SLC38A4: variants seen among roughly 807,000 people sequenced by gnomAD.
The protein encoded by SLC38A4 is sodium-coupled neutral amino acid transporter 4.
In SLC38A4, 20 loss-of-function variants were observed where a neutral mutation model predicts 63.1. The observed-to-expected ratio is 0.32, with a 90% CI of 0.22 to 0.46. The LOEUF (loss-of-function observed/expected upper bound fraction) is 0.46, where lower values mean the gene tolerates loss of function less well. SLC38A4 is among the 20% of genes least tolerant of loss of function. The pLI is 1.00. For missense variants in SLC38A4, 526 were observed against 663.6 expected, an observed-to-expected ratio of 0.79 and a Z score of 2.28; for synonymous variants, 230 against 225.5, an observed-to-expected ratio of 1.02 and a Z score of -0.18.
chr12:46,816,498 T>C (rs1939444492), intron 1 of SLC38A4, among the ~76,000 whole-genome samples: 1 of 151,932 alleles, frequency 6.6e-6, no homozygotes, highest in South Asian at 2.1e-4. Flanking sequence ...CAAAAAACAT[T>C]CTATACCTAT....
At chr12:46,777,102 C>T (rs1565664437) in intron 12 of SLC38A4, 98 bp from the exon 13 acceptor site, 1 of 992,868 alleles carries the variant, frequency 1.0e-6, no homozygotes, top group Admixed American at 2.5e-5. Flanking sequence ...ATCTATATTG[C>T]TCATCATGAA....
chr12:46,772,877 A>C (rs1465846253), intron 14 of SLC38A4, among the ~76,000 whole-genome samples: 2 of 152,062 alleles, frequency 1.3e-5, no homozygotes, highest in African/African-American at 4.8e-5. Flanking sequence ...GGAGATATCA[A>C]GGCAAGTAAA....
At chr12:46,786,156 C>T (rs916038420) in intron 5 of SLC38A4, among the ~76,000 whole-genome samples, 7 of 151,926 alleles carry the variant, frequency 4.6e-5, no homozygotes, top group Non-Finnish European at 8.8e-5. Flanking sequence ...TTTCCATATG[C>T]CTTATGAACT....
chr12:46,788,528 G>A lies in SLC38A4; in HGVS notation c.210C>T (p.His70=), dbSNP rs1447058592. 23 of 1,611,370 alleles carry A rather than the reference G, an allele frequency of 1.4e-5. No individual in the cohort carries two copies. Among genetic ancestry groups the A allele is most frequent in the East Asian group, 4.5e-5 (2 of 44,842 alleles). ...KKKLADYADE[H]HPGTTSFGMS... is the part of the protein sequence containing the mutation. ...TGCCTGAAAGCATAGATTCACTTAC[G>A]TGTTCATCAGCATAATCTGCCAGCT... The change falls in exon 4 of 17, where the codon CAC becomes CAT. Residue 70 remains histidine, a splice_region_variant and synonymous_variant. Coordinates refer to ENST00000266579, the MANE Select transcript of SLC38A4 (RefSeq NM_018018.5).
chr12:46,829,445 TAAA>T (rs5798002), upstream of SLC38A4, among the ~76,000 whole-genome samples: 66,531 of 148,366 alleles, frequency 0.45, 16,075 homozygotes, highest in Non-Finnish European at 0.55. Flanking sequence ...ATGTAAAAAG[TAAA>T]AAAAAAAAAA....
intron 5 of SLC38A4, 99 bp downstream of exon 5, chr12:46,787,817 C>T: frequency 1.2e-6 from 1 of 831,218 alleles, no homozygotes; most frequent in South Asian, 1.9e-5. Flanking sequence ...TCCTCTGAGT[C>T]TTCACGTTCA....
In SLC38A4 at chr12:46,778,546, A is replaced by T. The variant is rs774354220; in HGVS notation, c.948T>A (p.His316Gln). ...ATTTGGGTTCACACTTGTCATCACT[A>T]TGAGCTTCATATTCTACTCCACTGT... ...LHDSGVEYEA[H>Q]SDDKCEPKYF... The change falls in exon 11 of 17, where the codon CAT (histidine) becomes CAA (glutamine). Residue 316 changes from histidine to glutamine, a missense_variant. Transcript: ENST00000266579. 3.1e-6 allele frequency: 5 copies of T among 1,612,984 alleles called. No individual in the cohort carries two copies. In the South Asian group the frequency reaches 5.5e-5, roughly 18 times the overall value.
rs778618065 is a variant in SLC38A4, at chr12:46,775,148, A to G, written c.1200T>C (p.His400=). Residue 400 remains histidine (H), a synonymous_variant, in exon 14 of 17, where the codon CAT becomes CAC. Transcript: ENST00000266579. Reference sequence around the variant, plus strand: ...CTAATGTATACACTTTGCTGTAGGCATGAAGTAATTCATCTTCAACTTCTC... The same window carrying G: ...CTAATGTATACACTTTGCTGTAGGCGTGAAGTAATTCATCTTCAACTTCTC... ...FYGEVEDELL[H]AYSKVYTLDI... is the part of the protein sequence containing the mutation. The G allele has an allele frequency of 6.2e-7, 1 of 1,612,084 alleles. No individual in the cohort carries two copies. The highest frequency in any genetic ancestry group is 1.1e-5 in the South Asian group (1 of 90,824).
chr12:46,820,342 C>A (rs1041823380), intron 1 of SLC38A4, among the ~76,000 whole-genome samples: 1 of 152,026 alleles, frequency 6.6e-6, no homozygotes, highest in African/African-American at 2.4e-5. Flanking sequence ...TTCCCCACTT[C>A]TTCCAGCCCC....
chr12:46,824,731 C>T (rs1229778362), intron 1 of SLC38A4, among the ~76,000 whole-genome samples: 1 of 152,090 alleles, frequency 6.6e-6, no homozygotes, highest in African/African-American at 2.4e-5. Context: ...AGATGGAAAA[C>T]AAGTGGTTGC....
chr12:46,806,475 G>A (rs1939234819), intron 1 of SLC38A4, among the ~76,000 whole-genome samples: 1 of 151,940 alleles, frequency 6.6e-6, no homozygotes, highest in Non-Finnish European at 1.5e-5. Flanking sequence ...CAGTAGGAAG[G>A]TTGACTGATA....
chr12:46,797,907 C>A (rs1371408247), intron 2 of SLC38A4, among the ~76,000 whole-genome samples: 1 of 152,170 alleles, frequency 6.6e-6, no homozygotes, highest in Non-Finnish European at 1.5e-5. Context: ...TTATTCAAGT[C>A]AAAAGCATAA....
chr12:46,822,323 A>C (rs1246446629), intron 1 of SLC38A4, among the ~76,000 whole-genome samples: 1 of 152,122 alleles, frequency 6.6e-6, no homozygotes, highest in African/African-American at 2.4e-5. Flanking sequence ...TTTTTATGAG[A>C]CCTAAGATGG....
chr12:46,823,366 T>A (rs951721425), intron 1 of SLC38A4, among the ~76,000 whole-genome samples: 1 of 152,186 alleles, frequency 6.6e-6, no homozygotes, highest in Non-Finnish European at 1.5e-5. Flanking sequence ...TTACTTAAAA[T>A]AAAATACATT....
intron 14 of SLC38A4, among the ~76,000 whole-genome samples, chr12:46,771,907 G>C (rs1417854279): frequency 6.6e-6 from 1 of 151,966 alleles, no homozygotes; most frequent in African/African-American, 2.4e-5. Context: ...TGGAAATGTG[G>C]GTCAGATGCT....
chr12:46,817,617 C>T (rs1206064805), intron 1 of SLC38A4, among the ~76,000 whole-genome samples: 1 of 151,810 alleles, frequency 6.6e-6, no homozygotes, highest in Non-Finnish European at 1.5e-5. Flanking sequence ...ACCTGAAGCC[C>T]CAGGAGCCTC....
chr12:46,800,953 A>C (rs1162873629), intron 2 of SLC38A4, among the ~76,000 whole-genome samples: 1 of 152,164 alleles, frequency 6.6e-6, no homozygotes, highest in East Asian at 1.9e-4. Context: ...GGGAATGTTC[A>C]AAATGCTTCT....
intron 1 of SLC38A4, among the ~76,000 whole-genome samples, chr12:46,807,311 A>G (rs1939253017): frequency 6.6e-6 from 1 of 151,722 alleles, no homozygotes; most frequent in African/African-American, 2.4e-5. Flanking sequence ...TAACTTTTCT[A>G]TACAACATTG....
At chr12:46,784,685 A>C (rs751106537) in intron 6 of SLC38A4, 51 bp from the exon 7 acceptor site, 1 of 1,423,496 alleles carries the variant, frequency 7.0e-7, no homozygotes, top group Non-Finnish European at 9.8e-7. Context: ...TTAATGACTA[A>C]AATATTTTTG....
Sources: allele counts gnomAD v4.1 joint callset (sites outside exome capture counted in the v4.1 genomes callset), GRCh38; gene constraint gnomAD v4.1.1; transcripts MANE v1.5; gene names NCBI Gene and HGNC (gene_info 2026-07-23, HGNC 2026-07-21).